The following ACTR3C variants were observed in gnomAD, a reference collection of about 807,000 sequenced individuals.
The protein encoded by ACTR3C is actin-related protein 3C.
A neutral mutation model predicts 26.3 loss-of-function variants in ACTR3C; 18 were observed. The ratio of observed to expected loss-of-function variants is 0.68; its 90% CI spans 0.47 to 1.01. ACTR3C has a LOEUF of 1.01. Among genes scored for constraint, ACTR3C ranks in the 50% least tolerant of loss-of-function variants. The pLI is 0.00. For missense variants in ACTR3C, 184 were observed against 250.7 expected, an observed-to-expected ratio of 0.73 and a Z score of 1.80; for synonymous variants, 55 against 94.5, an observed-to-expected ratio of 0.58 and a Z score of 2.42.
chr7:149,946,927 A>G, the ACTR3C span, among the ~76,000 whole-genome samples: 2 of 151,306 alleles, frequency 1.3e-5, no homozygotes, highest in Non-Finnish European at 2.9e-5. Context: ...TATTGTAACA[A>G]TGAGAAAAAA....
the ACTR3C span, among the ~76,000 whole-genome samples, chr7:149,897,094 A>G: frequency 6.6e-6 from 1 of 151,584 alleles, no homozygotes; most frequent in African/African-American, 2.4e-5. Context: ...AAGAGCTACT[A>G]AGTTGCCTTT....
chr7:150,151,024 T>C, the ACTR3C span, among the ~76,000 whole-genome samples: 1 of 119,130 alleles, frequency 8.4e-6, no homozygotes, highest in African/African-American at 2.9e-5. Context: ...TGCTTTATAT[T>C]TAAGTGTATG....
At chr7:149,931,029 C>T in the ACTR3C span, among the ~76,000 whole-genome samples, 1 of 152,202 alleles carries the variant, frequency 6.6e-6, no homozygotes, top group South Asian at 2.1e-4. Flanking sequence ...CCATGCCTGG[C>T]TAATTTTTGT....
chr7:150,109,928 C>T, the ACTR3C span, among the ~76,000 whole-genome samples: 3 of 145,898 alleles, frequency 2.1e-5, no homozygotes, highest in Admixed American at 2.0e-4. Flanking sequence ...GGTCACCTAC[C>T]CTTCCCTGAG....
chr7:150,152,445 T>A, the ACTR3C span, among the ~76,000 whole-genome samples: 2 of 152,240 alleles, frequency 1.3e-5, no homozygotes, highest in Non-Finnish European at 1.5e-5. Context: ...ATTACATTCA[T>A]TGATTTGCAT....
At chr7:150,167,547 T>G in the ACTR3C span, among the ~76,000 whole-genome samples, 1 of 150,994 alleles carries the variant, frequency 6.6e-6, no homozygotes, top group Non-Finnish European at 1.5e-5. Flanking sequence ...AATATCTTTT[T>G]TAGAGGAAGT....
chr7:150,041,730 C>A, the ACTR3C span, among the ~76,000 whole-genome samples: 3 of 129,624 alleles, frequency 2.3e-5, no homozygotes, highest in African/African-American at 9.4e-5. Context: ...CCCCCTCCTG[C>A]GATGGGGGTC....
the ACTR3C span, among the ~76,000 whole-genome samples, chr7:150,162,041 C>T: frequency 2.6e-4 from 39 of 152,206 alleles, no homozygotes; most frequent in African/African-American, 8.7e-4. Flanking sequence ...AAAGAAACAA[C>T]ATTTTGGCAC....
the ACTR3C span, among the ~76,000 whole-genome samples, chr7:149,988,687 T>C: frequency 6.6e-6 from 1 of 152,190 alleles, no homozygotes; most frequent in Non-Finnish European, 1.5e-5. Flanking sequence ...AGTCTCATGA[T>C]GAGAGAACCC....
At chr7:150,273,921 C>T (rs548232630) in intron 6 of ACTR3C, among the ~76,000 whole-genome samples, 1 of 152,350 alleles carries the variant, frequency 6.6e-6, no homozygotes, top group Admixed American at 6.5e-5. Flanking sequence ...CATAGCCTGC[C>T]GTGCATCTCG....
downstream of ACTR3C, among the ~76,000 whole-genome samples, chr7:150,240,521 T>C (rs1050229806): frequency 1.3e-5 from 2 of 152,188 alleles, no homozygotes; most frequent in African/African-American, 4.8e-5. Context: ...CCACGGCACA[T>C]GTATACCTAT....
At chr7:150,017,369 C>T in the ACTR3C span, among the ~76,000 whole-genome samples, 50,071 of 150,818 alleles carry the variant, frequency 0.33, 8,456 homozygotes, top group East Asian at 0.44. Context: ...CCTTCTGTTT[C>T]TCCAGGTCCC....
the ACTR3C span, among the ~76,000 whole-genome samples, chr7:149,897,061 CAAAAAAA>C: frequency 3.9e-5 from 2 of 51,106 alleles, no homozygotes; most frequent in African/African-American, 1.1e-4. Flanking sequence ...ACACCGTCTC[CAAAAAAA>C]AAAAAAAAAA....
chr7:150,016,054 G>A, the ACTR3C span, among the ~76,000 whole-genome samples: 3 of 151,778 alleles, frequency 2.0e-5, no homozygotes, highest in African/African-American at 7.3e-5. Context: ...ATAGGAAAGA[G>A]AGGCACAATG....
the ACTR3C span, among the ~76,000 whole-genome samples, chr7:150,231,598 A>G: frequency 2.7e-5 from 4 of 150,800 alleles, no homozygotes; most frequent in African/African-American, 9.8e-5. Context: ...TCTTTTCTTC[A>G]TAAATTATCC....
the ACTR3C span, among the ~76,000 whole-genome samples, chr7:149,908,131 G>T: frequency 1.1e-3 from 165 of 152,222 alleles, 2 homozygotes; most frequent in South Asian, 0.033. Flanking sequence ...CTGACACAGA[G>T]ATGAGACCAT....
chr7:149,959,355 C>T, the ACTR3C span, among the ~76,000 whole-genome samples: 2 of 152,148 alleles, frequency 1.3e-5, no homozygotes, highest in Admixed American at 1.3e-4. Flanking sequence ...ATATTTCTCA[C>T]TGTAACCCTG....
the ACTR3C span, among the ~76,000 whole-genome samples, chr7:150,040,096 G>A: frequency 3.4e-5 from 5 of 145,504 alleles, no homozygotes; most frequent in East Asian, 3.9e-4. Context: ...CAAGAGCCAG[G>A]GGGGAAGAGG....
At chr7:150,102,260 T>C in the ACTR3C span, among the ~76,000 whole-genome samples, 2 of 151,772 alleles carry the variant, frequency 1.3e-5, no homozygotes, top group East Asian at 3.8e-4. Flanking sequence ...CATCCTTTTC[T>C]ACAACCTAAA....
Sources: gnomAD v4.1 joint callset for allele counts (sites outside exome capture counted in the v4.1 genomes callset) on GRCh38, gnomAD v4.1.1 for gene constraint, MANE v1.5 for transcripts, NCBI Gene and HGNC (gene_info 2026-07-23, HGNC 2026-07-21) for gene names.